The following ATP6V0E1 variants were observed in gnomAD, a reference collection of about 807,000 sequenced individuals.
The protein encoded by ATP6V0E1 is V-type proton ATPase subunit e 1.
A neutral mutation model predicts 11.6 loss-of-function variants in ATP6V0E1; 4 were observed. The ratio of observed to expected loss-of-function variants is 0.35; its 90% CI spans 0.17 to 0.79. ATP6V0E1 has a LOEUF of 0.79. Ranked by LOEUF, ATP6V0E1 falls within the 30% of genes least tolerant of loss-of-function variation. The pLI, the probability that ATP6V0E1 is intolerant of heterozygous loss-of-function variation, is 0.54. For synonymous variants in ATP6V0E1, 36 were observed against 34.8 expected (o/e 1.04, Z -0.13); for missense variants, 105 against 100.0 (o/e 1.05, Z -0.21).
intron 2 of ATP6V0E1, among the ~76,000 whole-genome samples, chr5:173,008,983 T>G (rs1181793424): frequency 6.0e-5 from 9 of 148,974 alleles, no homozygotes; most frequent in Non-Finnish European, 1.3e-4. Context: ...CCTAGCACTT[T>G]GGGAGGCGAA....
At chr5:173,030,991 C>T (rs1480323189) in intron 3 of ATP6V0E1, among the ~76,000 whole-genome samples, 2 of 151,904 alleles carry the variant, frequency 1.3e-5, no homozygotes, top group Non-Finnish European at 2.9e-5. Flanking sequence ...GTCGCCCAGA[C>T]TGGAGTGCAG....
chr5:173,035,087 G>A lies in ATP6V0E1; in HGVS notation c.*725G>A, dbSNP rs1756722492. The A allele has an allele frequency of 6.6e-6, 1 of 152,510 alleles. No homozygotes were observed. The highest frequency in any genetic ancestry group is 6.5e-5 in the Admixed American group (1 of 15,294). 9.4% of individuals were successfully genotyped at this position (152,510 alleles called of 1,614,324 possible). On this transcript the variant is annotated 3_prime_UTR_variant, in exon 4 of 4. Coordinates refer to ENST00000519374, the MANE Select transcript of ATP6V0E1 (RefSeq NM_003945.4). Reference sequence around the variant, plus strand: ...CTATTTGAGTGCCTACTGCAGCCAAGGCACTGGAGGGATCAAAGATGTGTA... The same window carrying A: ...CTATTTGAGTGCCTACTGCAGCCAAAGCACTGGAGGGATCAAAGATGTGTA...
At chr5:173,008,965 C>T (rs1418593962) in intron 2 of ATP6V0E1, among the ~76,000 whole-genome samples, 2 of 145,520 alleles carry the variant, frequency 1.4e-5, no homozygotes, top group African/African-American at 5.1e-5. Flanking sequence ...GTGACTCATG[C>T]GTGTAATCCT....
At chr5:172,986,690 T>C (rs1755901797) in intron 1 of ATP6V0E1, 3 of 451,534 alleles carry the variant, frequency 6.6e-6, no homozygotes, top group South Asian at 4.6e-5. Context: ...ATGTCCATTT[T>C]CACAGATGGC....
intron 2 of ATP6V0E1, among the ~76,000 whole-genome samples, chr5:173,015,157 C>G: frequency 6.6e-6 from 1 of 152,162 alleles, no homozygotes; most frequent in Admixed American, 6.5e-5. Flanking sequence ...GAAGTGGGAA[C>G]AGTAATCTGA....
At chr5:173,032,244 TTTTATTTTATTTATTTA>T (rs1561778626) in intron 3 of ATP6V0E1, among the ~76,000 whole-genome samples, 2 of 15,554 alleles carry the variant, frequency 1.3e-4, no homozygotes, top group African/African-American at 3.0e-4. Context: ...TTTACTTTTA[TTTTATTTTATTTATTTA>T]TTTATTTATT....
At chr5:173,020,705 A>T (rs753408749) in intron 3 of ATP6V0E1, 3 of 520,020 alleles carry the variant, frequency 5.8e-6, no homozygotes, top group Admixed American at 1.9e-5. Context: ...TGGCTGGCAG[A>T]TTTAAAATTG....
rs1474713603 is a variant in ATP6V0E1, at chr5:173,034,988, G to A, written c.*626G>A. The A allele has an allele frequency of 6.5e-6, 1 of 153,364 alleles. No individual in the cohort carries two copies. Among genetic ancestry groups the A allele is most frequent in the Non-Finnish European group, 1.5e-5 (1 of 68,822 alleles). 9.5% of individuals were successfully genotyped at this position (153,364 alleles called of 1,614,324 possible). On this transcript the variant is annotated 3_prime_UTR_variant, in exon 4 of 4. Coordinates refer to ENST00000519374, the MANE Select transcript of ATP6V0E1 (RefSeq NM_003945.4). The stretch of plus-strand genomic sequence containing the variant: ...TGATTTTGTAGTCTAAACTTAGGTT[G>A]AGTATATAAACCCTGCCATGTAGCT...
At chr5:173,022,497 G>C (rs1756501080) in intron 3 of ATP6V0E1, among the ~76,000 whole-genome samples, 2 of 152,022 alleles carry the variant, frequency 1.3e-5, no homozygotes, top group Non-Finnish European at 2.9e-5. Context: ...GTTTTTAATT[G>C]AGACAGAATC....
intron 1 of ATP6V0E1, among the ~76,000 whole-genome samples, chr5:172,992,326 C>CA (rs1755996950): frequency 6.6e-6 from 1 of 152,230 alleles, no homozygotes; most frequent in Non-Finnish European, 1.5e-5. Flanking sequence ...GCCGGGATTG[C>CA]AGGCGTGAGC....
chr5:173,009,773 T>TC (rs1756291127), intron 2 of ATP6V0E1, among the ~76,000 whole-genome samples: 1 of 145,430 alleles, frequency 6.9e-6, no homozygotes. Flanking sequence ...CTCTTTTTTT[T>TC]TTTTTTTTTA....
intron 2 of ATP6V0E1, among the ~76,000 whole-genome samples, chr5:173,006,306 A>C (rs1209085059): frequency 6.6e-6 from 1 of 152,034 alleles, no homozygotes; most frequent in African/African-American, 2.4e-5. Context: ...GAGGGGGTGA[A>C]GGTTTTATTA....
chr5:172,984,917 C>G (rs1055589675), intron 1 of ATP6V0E1, among the ~76,000 whole-genome samples: 1 of 152,296 alleles, frequency 6.6e-6, no homozygotes, highest in East Asian at 1.9e-4. Flanking sequence ...CAATAAATAC[C>G]TGTTGAGTGA....
chr5:173,016,648 T>G (rs1472496656), intron 2 of ATP6V0E1, among the ~76,000 whole-genome samples: 1 of 152,172 alleles, frequency 6.6e-6, no homozygotes, highest in Non-Finnish European at 1.5e-5. Context: ...ACGAAAGTGT[T>G]TTTTCAGGCA....
At chr5:173,016,243 A>T (rs938112445) in intron 2 of ATP6V0E1, among the ~76,000 whole-genome samples, 1 of 152,170 alleles carries the variant, frequency 6.6e-6, no homozygotes, top group African/African-American at 2.4e-5. Context: ...TGCTGATGCT[A>T]CCTCCAGGCA....
At chr5:173,011,881 AT>A (rs942385296) in intron 2 of ATP6V0E1, among the ~76,000 whole-genome samples, 1 of 151,750 alleles carries the variant, frequency 6.6e-6, no homozygotes, top group African/African-American at 2.4e-5. Flanking sequence ...TTCAGAGTGG[AT>A]TTTTTTTCCC....
intron 2 of ATP6V0E1, among the ~76,000 whole-genome samples, chr5:173,012,094 C>G (rs967209081): frequency 2.7e-5 from 4 of 150,832 alleles, no homozygotes; most frequent in African/African-American, 7.3e-5. Context: ...TGCAGTGGCC[C>G]GATCTCAGCT....
At chr5:173,009,765 CTTT>C (rs1169432985) in intron 2 of ATP6V0E1, among the ~76,000 whole-genome samples, 1,294 of 117,204 alleles carry the variant, frequency 0.011, 24 homozygotes, top group African/African-American at 0.04. Flanking sequence ...CGCCTGGCCT[CTTT>C]TTTTTTTTTT....
intron 1 of ATP6V0E1, among the ~76,000 whole-genome samples, chr5:172,989,082 C>T (rs909633488): frequency 2.6e-5 from 4 of 152,136 alleles, no homozygotes; most frequent in Non-Finnish European, 4.4e-5. Context: ...GTGGCTCACA[C>T]CGGCACTTTG....
Sources: gnomAD v4.1 joint callset for allele counts (sites outside exome capture counted in the v4.1 genomes callset) on GRCh38, gnomAD v4.1.1 for gene constraint, MANE v1.5 for transcripts, NCBI Gene and HGNC (gene_info 2026-07-23, HGNC 2026-07-21) for gene names.